Variants in LRRC37A2 observed in about 807,000 individuals in gnomAD.
The protein encoded by LRRC37A2 is leucine rich repeat containing 37 member A2, also known as leucine-rich repeat-containing protein 37A2.
In LRRC37A2, 9 loss-of-function variants were observed where a neutral mutation model predicts 68.8. That is an observed-to-expected ratio of 0.13 (90% confidence interval 0.08 to 0.23). LRRC37A2 has a LOEUF of 0.23. LRRC37A2 is among the 10% of genes least tolerant of loss of function. The pLI, the probability that LRRC37A2 is intolerant of heterozygous loss-of-function variation, is 1.00. For missense variants in LRRC37A2, 168 were observed against 950.4 expected, an observed-to-expected ratio of 0.18 and a Z score of 10.82; for synonymous variants, 63 against 367.6, an observed-to-expected ratio of 0.17 and a Z score of 9.48.
the LRRC37A2 span, among the ~76,000 whole-genome samples, chr17:46,735,920 G>T: frequency 6.6e-6 from 1 of 152,126 alleles, no homozygotes; most frequent in Admixed American, 6.5e-5. Context: ...ACTCCATCCT[G>T]GGTGGATGGA....
the LRRC37A2 span, among the ~76,000 whole-genome samples, chr17:46,771,694 G>GGCCGGGCCGCGCCCCCGGCCCCGGC: frequency 1.4e-5 from 2 of 142,718 alleles, no homozygotes; most frequent in African/African-American, 2.5e-5. Context: ...CGGCTCCCGC[G>GGCCGGGCCGCGCCCCCGGCCCCGGC]GCCGGGCCGC....
At chr17:46,919,360 T>C in the LRRC37A2 span, among the ~76,000 whole-genome samples, 1 of 152,114 alleles carries the variant, frequency 6.6e-6, no homozygotes, top group Non-Finnish European at 1.5e-5. Flanking sequence ...AAAAATGGGA[T>C]ATAAGTTAAA....
the LRRC37A2 span, among the ~76,000 whole-genome samples, chr17:46,839,957 T>TTTCTTTCC: frequency 2.1e-5 from 3 of 142,280 alleles, no homozygotes; most frequent in Non-Finnish European, 3.1e-5. Flanking sequence ...TCTTTCTTTC[T>TTTCTTTCC]TTCTTTCTTT....
chr17:46,955,902 G>A, the LRRC37A2 span, among the ~76,000 whole-genome samples: 4 of 152,100 alleles, frequency 2.6e-5, no homozygotes, highest in Admixed American at 2.6e-4. Context: ...CAAGAGCTGT[G>A]TCTCCATCAG....
the LRRC37A2 span, chr17:46,757,547 A>G: frequency 2.0e-5 from 3 of 152,552 alleles, no homozygotes; most frequent in Admixed American, 6.5e-5. Flanking sequence ...CAGGAAAGAA[A>G]CCTCTCCGTG....
chr17:46,874,894 A>T, the LRRC37A2 span: 1 of 763,572 alleles, frequency 1.3e-6, no homozygotes, highest in South Asian at 1.6e-5. Context: ...TTCCATTTAA[A>T]TGGCAACTTG....
At chr17:46,956,483 G>A in the LRRC37A2 span, among the ~76,000 whole-genome samples, 1 of 151,850 alleles carries the variant, frequency 6.6e-6, no homozygotes. Flanking sequence ...CTTAGTAGAG[G>A]CAGGGTTTCT....
the LRRC37A2 span, chr17:46,975,075 A>T: frequency 2.0e-5 from 3 of 150,758 alleles, no homozygotes; most frequent in Non-Finnish European, 4.4e-5. Flanking sequence ...CATACGATAA[A>T]CAAAACTAAC....
chr17:46,797,990 G>A, the LRRC37A2 span, among the ~76,000 whole-genome samples: 2 of 152,112 alleles, frequency 1.3e-5, no homozygotes, highest in East Asian at 1.9e-4. Flanking sequence ...GTGCAGTGGC[G>A]TGATCCCGGC....
the LRRC37A2 span, among the ~76,000 whole-genome samples, chr17:46,911,217 T>C: frequency 6.6e-6 from 1 of 152,236 alleles, no homozygotes; most frequent in South Asian, 2.1e-4. Context: ...GAGGAATTAA[T>C]TGATGTGTCC....
chr17:46,928,222 C>A, the LRRC37A2 span, among the ~76,000 whole-genome samples: 3 of 152,148 alleles, frequency 2.0e-5, no homozygotes, highest in Admixed American at 6.6e-5. Flanking sequence ...ACAGCTCACC[C>A]AGCTTCTTTT....
chr17:46,788,813 T>C, the LRRC37A2 span, among the ~76,000 whole-genome samples: 1 of 152,048 alleles, frequency 6.6e-6, no homozygotes, highest in Non-Finnish European at 1.5e-5. Flanking sequence ...CCCAGTCCTT[T>C]CCTTCGTCTC....
At chr17:46,867,433 T>G in the LRRC37A2 span, among the ~76,000 whole-genome samples, 1 of 152,212 alleles carries the variant, frequency 6.6e-6, no homozygotes, top group Non-Finnish European at 1.5e-5. Context: ...TGAGCTCAGT[T>G]GGTGAGGGGA....
chr17:46,534,924 C>T (rs528630848), intron 6 of LRRC37A2, among the ~76,000 whole-genome samples: 1 of 150,120 alleles, frequency 6.7e-6, no homozygotes, highest in East Asian at 1.9e-4. Context: ...CCTCACTTCT[C>T]AGATGGGGCG....
At chr17:46,788,755 G>GAGGACCTCCCTGCA in the LRRC37A2 span, among the ~76,000 whole-genome samples, 2 of 150,190 alleles carry the variant, frequency 1.3e-5, no homozygotes, top group Admixed American at 6.6e-5. Flanking sequence ...ACCTCCCTGC[G>GAGGACCTCCCTGCA]AGGACCTCCC....
the LRRC37A2 span, among the ~76,000 whole-genome samples, chr17:46,906,714 A>G: frequency 1.1e-4 from 17 of 152,168 alleles, no homozygotes; most frequent in African/African-American, 3.9e-4. Context: ...CCCACTTCAT[A>G]TAGGAAGAGG....
chr17:46,504,865 GATTT>G, the LRRC37A2 span, among the ~76,000 whole-genome samples: 1 of 122,352 alleles, frequency 8.2e-6, no homozygotes, highest in Non-Finnish European at 1.6e-5. Flanking sequence ...TTAATACATT[GATTT>G]ATTAATTAAT....
chr17:46,918,142 C>T, the LRRC37A2 span, among the ~76,000 whole-genome samples: 1 of 152,174 alleles, frequency 6.6e-6, no homozygotes, highest in African/African-American at 2.4e-5. Flanking sequence ...TGCAGCGGCG[C>T]GATCTCAGCT....
chr17:46,928,454 C>T, the LRRC37A2 span, among the ~76,000 whole-genome samples: 4 of 152,096 alleles, frequency 2.6e-5, no homozygotes, highest in Non-Finnish European at 5.9e-5. Flanking sequence ...AAATCTCCAC[C>T]GTGAGCACCG....
Sources: gnomAD v4.1 joint callset for allele counts (sites outside exome capture counted in the v4.1 genomes callset) on GRCh38, gnomAD v4.1.1 for gene constraint, MANE v1.5 for transcripts, NCBI Gene and HGNC (gene_info 2026-07-23, HGNC 2026-07-21) for gene names.